Variants in C1QTNF3 observed in about 807,000 individuals in gnomAD.
C1QTNF3 encodes the protein complement C1q tumor necrosis factor-related protein 3.
In C1QTNF3, 26 loss-of-function variants were observed where a neutral mutation model predicts 32.6. The ratio of observed to expected loss-of-function variants is 0.80; its 90% CI spans 0.58 to 1.11. The LOEUF (loss-of-function observed/expected upper bound fraction) is 1.11. Among genes scored for constraint, C1QTNF3 ranks in the 50% least tolerant of loss-of-function variants. The pLI is 0.00. For missense variants in C1QTNF3, 362 were observed against 398.2 expected (o/e 0.91, Z 0.77); for synonymous variants, 155 against 146.0 (o/e 1.06, Z -0.44).
chr5:34,176,025 C>T, the C1QTNF3 span: 1 of 657,608 alleles, frequency 1.5e-6, no homozygotes, highest in Non-Finnish European at 2.8e-6. Flanking sequence ...AAATAAAGAT[C>T]CACTTGATGG....
the C1QTNF3 span, among the ~76,000 whole-genome samples, chr5:34,210,660 A>G: frequency 6.6e-6 from 1 of 152,086 alleles, no homozygotes; most frequent in Non-Finnish European, 1.5e-5. Context: ...GATAGAAGAC[A>G]GACATTATCA....
At chr5:34,232,215 C>A in the C1QTNF3 span, among the ~76,000 whole-genome samples, 1 of 152,056 alleles carries the variant, frequency 6.6e-6, no homozygotes, top group African/African-American at 2.4e-5. Flanking sequence ...GATCCCTGTA[C>A]CCCCACTGTA....
chr5:34,066,451 G>T, the C1QTNF3 span, among the ~76,000 whole-genome samples: 2 of 152,012 alleles, frequency 1.3e-5, no homozygotes, highest in Admixed American at 1.3e-4. Flanking sequence ...GATTATAAAA[G>T]ACTTACAAGA....
chr5:34,118,719 CTCTT>C, the C1QTNF3 span, among the ~76,000 whole-genome samples: 2 of 152,036 alleles, frequency 1.3e-5, no homozygotes, highest in Non-Finnish European at 2.9e-5. Context: ...TTTTCTCTCT[CTCTT>C]TGGCTTTCAA....
chr5:34,211,817 G>C, the C1QTNF3 span, among the ~76,000 whole-genome samples: 1 of 152,034 alleles, frequency 6.6e-6, no homozygotes, highest in Middle Eastern at 3.2e-3. Context: ...TTGGTTCCAA[G>C]TCTTTGCTGC....
At chr5:34,059,250 G>A in the C1QTNF3 span, among the ~76,000 whole-genome samples, 3 of 152,116 alleles carry the variant, frequency 2.0e-5, no homozygotes, top group African/African-American at 4.8e-5. Context: ...CTACATGGTC[G>A]TCCATGTGTG....
At chr5:34,060,507 T>C in the C1QTNF3 span, among the ~76,000 whole-genome samples, 1 of 152,184 alleles carries the variant, frequency 6.6e-6, no homozygotes, top group African/African-American at 2.4e-5. Context: ...TATTAGTCTG[T>C]TTTCATGCTG....
upstream of C1QTNF3, chr5:34,043,330 CCCACA>C: frequency 1.7e-6 from 1 of 582,540 alleles, no homozygotes; most frequent in Non-Finnish European, 3.0e-6. Context: ...TCATCATTTT[CCCACA>C]CCACAAGCAA....
the C1QTNF3 span, among the ~76,000 whole-genome samples, chr5:34,081,100 G>A: frequency 2.6e-5 from 4 of 151,676 alleles, no homozygotes; most frequent in Admixed American, 6.6e-5. Context: ...TACAGTCTTC[G>A]AATCTTTGAA....
At chr5:34,142,238 T>C in the C1QTNF3 span, among the ~76,000 whole-genome samples, 1 of 151,958 alleles carries the variant, frequency 6.6e-6, no homozygotes, top group African/African-American at 2.4e-5. Context: ...TCGATACCAG[T>C]CTAGCCAACA....
chr5:34,029,163 A>G (rs947933533), intron 3 of C1QTNF3, among the ~76,000 whole-genome samples: 11 of 152,246 alleles, frequency 7.2e-5, no homozygotes, highest in African/African-American at 2.7e-4. Flanking sequence ...AAATAATACC[A>G]GAAAATTTTA....
the C1QTNF3 span, among the ~76,000 whole-genome samples, chr5:34,091,774 T>C: frequency 6.6e-6 from 1 of 151,890 alleles, no homozygotes; most frequent in African/African-American, 2.4e-5. Context: ...TTTAAATTAA[T>C]AGTATAATGT....
the C1QTNF3 span, among the ~76,000 whole-genome samples, chr5:34,127,647 G>T: frequency 6.6e-6 from 1 of 151,260 alleles, no homozygotes; most frequent in Non-Finnish European, 1.5e-5. Context: ...GAGTGCAGTG[G>T]TGTGATTTTG....
chr5:34,116,903 A>G, the C1QTNF3 span, among the ~76,000 whole-genome samples: 1 of 152,124 alleles, frequency 6.6e-6, no homozygotes, highest in Non-Finnish European at 1.5e-5. Context: ...CCTTTCTAGC[A>G]ACATTTTTAA....
chr5:34,237,511 T>A, the C1QTNF3 span, among the ~76,000 whole-genome samples: 1 of 152,214 alleles, frequency 6.6e-6, no homozygotes, highest in Non-Finnish European at 1.5e-5. Context: ...TACTCCTGAA[T>A]GTAATATTCA....
At chr5:34,163,172 T>C in the C1QTNF3 span, among the ~76,000 whole-genome samples, 1 of 152,290 alleles carries the variant, frequency 6.6e-6, no homozygotes, top group African/African-American at 2.4e-5. Context: ...GACATTTAAT[T>C]ACAATTTTAG....
chr5:34,062,885 A>G, the C1QTNF3 span, among the ~76,000 whole-genome samples: 2 of 152,244 alleles, frequency 1.3e-5, no homozygotes, highest in African/African-American at 4.8e-5. Context: ...GACTTAGAAT[A>G]GTTCTGAACT....
chr5:34,203,688 A>C, the C1QTNF3 span, among the ~76,000 whole-genome samples: 3 of 151,992 alleles, frequency 2.0e-5, no homozygotes, highest in South Asian at 6.2e-4. Flanking sequence ...TCCATCTAAA[A>C]GTAAAAAAAA....
chr5:34,138,112 C>T, the C1QTNF3 span, among the ~76,000 whole-genome samples: 2,113 of 143,458 alleles, frequency 0.015, 55 homozygotes, highest in African/African-American at 0.062. Context: ...GGAGAGGCCT[C>T]AGCAAAAACC....
Sources: allele counts gnomAD v4.1 joint callset (sites outside exome capture counted in the v4.1 genomes callset), GRCh38; gene constraint gnomAD v4.1.1; transcripts MANE v1.5; gene names NCBI Gene and HGNC (gene_info 2026-07-23, HGNC 2026-07-21).